The following FN1 variants were observed in gnomAD, a reference collection of about 807,000 sequenced individuals.
FN1 encodes fibronectin.
Under a neutral mutation model 297.3 loss-of-function variants are expected in FN1, and 106 were observed. The ratio of observed to expected loss-of-function variants is 0.36; its 90% CI spans 0.30 to 0.42. The LOEUF (loss-of-function observed/expected upper bound fraction) is 0.42, where lower values mean the gene tolerates loss of function less well. FN1 is among the 10% of genes least tolerant of loss of function. The pLI is 1.00. For synonymous variants in FN1, 1,149 were observed against 1,152.6 expected (o/e 1.00, Z 0.06); for missense variants, 2,690 against 3,124.9 (o/e 0.86, Z 3.32).
intron 32 of FN1, 171 bp downstream of exon 32, chr2:215,382,041 G>T (rs2058291845): frequency 1.6e-6 from 1 of 609,646 alleles, no homozygotes; most frequent in Middle Eastern, 3.9e-4. Context: ...TAAATTCCTC[G>T]CTTGGCACTG....
chr2:215,426,821 C>T (rs1275918941), intron 6 of FN1, among the ~76,000 whole-genome samples: 1 of 152,026 alleles, frequency 6.6e-6, no homozygotes, highest in African/African-American at 2.4e-5. Context: ...TTAATTCCCA[C>T]CTACACTTTT....
intron 20 of FN1, 77 bp downstream of exon 20, chr2:215,404,312 T>TGTG: frequency 7.5e-7 from 1 of 1,333,932 alleles, no homozygotes; most frequent in Non-Finnish European, 1.0e-6. Flanking sequence ...TTTTTTGTTT[T>TGTG]GTTTTGTTTT....
Position 215,383,464 on chromosome 2 carries a change from CTGGGATGGT to C in FN1, c.4905_4913del (p.Pro1636_Gln1638del). ...TGTCCTGAACATCGGTCACTTGCAT[CTGGGATGGT>C]TTGTCAATTTCTACAAATAAAAGCA... is the stretch of plus-strand genomic sequence containing the variant. On this transcript the variant is annotated inframe_deletion, in exon 31 of 46. Coordinates refer to ENST00000354785, the MANE Select transcript of FN1 (RefSeq NM_212482.4). 2.5e-6 allele frequency: 4 copies of C among 1,614,116 alleles called. No homozygotes were observed. The highest frequency in any genetic ancestry group is 3.4e-6 in the Non-Finnish European group (4 of 1,180,006).
At position 215,385,000 on chromosome 2, in the gene FN1, C is replaced by T. The variant is rs371178738; in HGVS notation, c.4613-24G>A. The T allele has an allele frequency of 6.2e-6, 9 of 1,455,454 alleles. No homozygotes were observed. The African/African-American group carries it at 1.3e-4, about 20-fold the overall frequency. The allele number at this position is 1,455,454 out of a possible 1,614,324, so 90.2% of individuals were successfully genotyped here. On this transcript the variant is annotated intron_variant, in intron 28 of 45. Transcript: ENST00000354785. Reference sequence around the variant, plus strand: ...AACTAGAAAAAAAAGGGAAACTTTTCACATCCGTAATTTTCAAACAATATT... The same window carrying T: ...AACTAGAAAAAAAAGGGAAACTTTTTACATCCGTAATTTTCAAACAATATT...
Position 215,435,723 on chromosome 2 carries a change from G to C in FN1, c.80C>G (p.Ser27Trp). 6.2e-7 allele frequency: 1 copy of C among 1,610,704 alleles called. No homozygotes were observed. Among genetic ancestry groups the C allele is most frequent in the South Asian group, 1.1e-5 (1 of 90,310 alleles). ...TTGCTGAGCCTGCCTCTTGCTCTTCGAGGCTCCCGTGGAGGGCACCGCTGT... is the reference window on the plus strand; with the variant it reads ...TTGCTGAGCCTGCCTCTTGCTCTTCCAGGCTCCCGTGGAGGGCACCGCTGT... ...LGTAVPSTGA[S>W]KSKRQAQQMV... Residue 27 changes from serine (S) to tryptophan (W), a missense_variant, in exon 1 of 46, where the codon TCG becomes TGG. Physicochemically the swap from Ser to Trp is radical, Grantham distance 177. Around this residue, in one of 3 missense-constraint regions of FN1, gnomAD observed 876 missense variants for 1,058.1 expected, o/e 0.83. Transcript: ENST00000354785.
chr2:215,373,522 T>C (rs2056655907), intron 38 of FN1, 111 bp from the exon 39 acceptor site: 3 of 852,562 alleles, frequency 3.5e-6, no homozygotes, highest in Non-Finnish European at 4.0e-6. Flanking sequence ...TCCAGCTGGC[T>C]GTTGGCCTCT....
chr2:215,423,633 G>A lies in FN1; in HGVS notation c.1217-107C>T, dbSNP rs550778779. 2.0e-3 allele frequency: 1,937 copies of A among 969,174 alleles called. 11 individuals carry two copies. The highest frequency in any genetic ancestry group is 5.0e-3 in the Middle Eastern group (24 of 4,796). 60.0% of individuals were successfully genotyped at this position (969,174 alleles called of 1,614,324 possible). ...GCCAGGTTTCTGCAGCTCATTCACA[G>A]ACAGTCTATCTCAGAATAAAAAATG... On this transcript the variant is annotated intron_variant, in intron 8 of 45. Transcript: ENST00000354785.
chr2:215,366,598 A>G (rs2054659156), intron 42 of FN1, among the ~76,000 whole-genome samples: 2 of 152,248 alleles, frequency 1.3e-5, no homozygotes, highest in Admixed American at 6.5e-5. Flanking sequence ...TTTAACCTCC[A>G]GGGCTTATAC....
chr2:215,389,977 G>A (rs1010929692), intron 26 of FN1, among the ~76,000 whole-genome samples: 21 of 152,162 alleles, frequency 1.4e-4, no homozygotes, highest in African/African-American at 5.1e-4. Flanking sequence ...GATACAGAGA[G>A]TGAGGTTTCT....
At chr2:215,396,105 G>T (rs974566634) in intron 23 of FN1, among the ~76,000 whole-genome samples, 13 of 152,146 alleles carry the variant, frequency 8.5e-5, no homozygotes, top group African/African-American at 2.7e-4. Flanking sequence ...TTAGCTCTGT[G>T]CCCCGGCAAA....
At chr2:215,384,327 A>G in intron 29 of FN1, 143 bp from the exon 30 acceptor site, 1 of 779,836 alleles carries the variant, frequency 1.3e-6, no homozygotes, top group East Asian at 2.7e-5. Flanking sequence ...TCTTGAACAG[A>G]AAGGGGTATT....
At chr2:215,411,506 T>G (rs989609259) in intron 13 of FN1, among the ~76,000 whole-genome samples, 1 of 152,130 alleles carries the variant, frequency 6.6e-6, no homozygotes, top group Non-Finnish European at 1.5e-5. Context: ...TTAGTAATCA[T>G]TTTTCAACAT....
intron 40 of FN1, 108 bp from the exon 41 acceptor site, chr2:215,370,540 CAAAAAA>C (rs1352468491): frequency 7.5e-5 from 23 of 304,982 alleles, no homozygotes; most frequent in African/African-American, 7.0e-4. Flanking sequence ...CAAAGGAAGA[CAAAAAA>C]CAAAAAACAA....
rs1313248541 is a variant in FN1 at position 215,394,841 on chromosome 2, C to T, written c.3605-122G>A. On this transcript the variant is annotated intron_variant, in intron 23 of 45. Coordinates refer to ENST00000354785, the MANE Select transcript of FN1 (RefSeq NM_212482.4). ...AGGACTTGGCATTTACTGAGGACTC[C>T]ACTGTCACTGTTATTCAATGCTTGC... The T allele has an allele frequency of 2.2e-5, 16 of 729,520 alleles. No homozygotes were observed. In the East Asian group the frequency reaches 3.6e-4, roughly 17 times the overall value. 45.2% of individuals were successfully genotyped at this position (729,520 alleles called of 1,614,324 possible). A position where few individuals can be genotyped will look rare whatever the true frequency, so the allele number is the denominator to read the frequency against.
intron 29 of FN1, 44 bp downstream of exon 29, chr2:215,384,816 A>C: frequency 7.7e-7 from 1 of 1,302,904 alleles, no homozygotes; most frequent in South Asian, 1.2e-5. Flanking sequence ...TCCACAACAG[A>C]ATCTGATTTA....
chr2:215,361,338 C>A lies in FN1; in HGVS notation c.*217G>T. ...CGGTATTGAATACTTCGAAGCAGAACAGGCAATGTGCAGCCCTCATTTATG... is the reference window on the plus strand; with the variant it reads ...CGGTATTGAATACTTCGAAGCAGAAAAGGCAATGTGCAGCCCTCATTTATG... On this transcript the variant is annotated 3_prime_UTR_variant, in exon 46 of 46. Coordinates refer to ENST00000354785, the MANE Select transcript of FN1 (RefSeq NM_212482.4). 3.4e-6 allele frequency: 2 copies of A among 586,184 alleles called. No homozygotes were observed. Among genetic ancestry groups the A allele is most frequent in the Non-Finnish European group, 6.1e-6 (2 of 327,328 alleles). The allele number at this position is 586,184 out of a possible 1,614,324, so 36.3% of individuals were successfully genotyped here.
chr2:215,375,487 A>G, intron 37 of FN1, 94 bp from the exon 38 acceptor site: 2 of 1,299,810 alleles, frequency 1.5e-6, no homozygotes, highest in Non-Finnish European at 2.2e-6. Flanking sequence ...CACACTTAAA[A>G]GAATCTGAGA....
chr2:215,401,062 C>T (rs897499407), intron 20 of FN1, among the ~76,000 whole-genome samples: 3 of 145,168 alleles, frequency 2.1e-5, no homozygotes, highest in Non-Finnish European at 4.5e-5. Flanking sequence ...TCCCAAAGTG[C>T]TGGAATTACA....
At chr2:215,381,198 C>A in intron 32 of FN1, 118 bp from the exon 33 acceptor site, 2 of 1,006,080 alleles carry the variant, frequency 2.0e-6, no homozygotes, top group East Asian at 2.4e-5. Flanking sequence ...CCAATTAACC[C>A]ACTATCAAAA....
Sources: gnomAD v4.1 joint callset for allele counts (sites outside exome capture counted in the v4.1 genomes callset) on GRCh38, gnomAD v4.1.1 for gene constraint, gnomAD v4.1.1 regional missense constraint, MANE v1.5 for transcripts, NCBI Gene and HGNC (gene_info 2026-07-23, HGNC 2026-07-21) for gene names.